The following SLC9C2 variants were observed in gnomAD, a reference collection of about 807,000 sequenced individuals.
SLC9C2 encodes the protein solute carrier family 9 member C2 (putative).
Under a neutral mutation model 140.2 loss-of-function variants are expected in SLC9C2, and 75 were observed. The ratio of observed to expected loss-of-function variants is 0.53; its 90% confidence interval spans 0.44 to 0.65. SLC9C2 has a LOEUF of 0.65. SLC9C2 is among the 30% of genes least tolerant of loss of function. The pLI is 0.00. For synonymous variants in SLC9C2, 375 were observed against 420.9 expected (o/e 0.89, Z 1.34); for missense variants, 1,074 against 1,331.8 (o/e 0.81, Z 3.01).
chr1:173,530,110 C>T (rs1167162001), intron 17 of SLC9C2, 56 bp from the exon 18 acceptor site: 1 of 1,477,378 alleles, frequency 6.8e-7, no homozygotes, highest in Non-Finnish European at 9.1e-7. Context: ...GAAAAGCACC[C>T]TCTGAGGCAG....
intron 23 of SLC9C2, among the ~76,000 whole-genome samples, chr1:173,512,702 G>A (rs1386950561): frequency 1.3e-5 from 2 of 152,158 alleles, no homozygotes; most frequent in Non-Finnish European, 2.9e-5. Flanking sequence ...AATAGAAGTG[G>A]TGAGAGAGGG....
At position 173,599,362 on chromosome 1, in the gene SLC9C2, A is replaced by ATTTTTTTTTTTTTTT. The variant is rs61579339; in HGVS notation, c.228+740_228+754dup. Among the ~76,000 whole-genome samples, 77 of 68,112 alleles carry ATTTTTTTTTTTTTTT rather than the reference A, an allele frequency of 1.1e-3. 16 individuals are homozygous for ATTTTTTTTTTTTTTT. The highest frequency in any genetic ancestry group is 3.3e-3 in the African/African-American group (70 of 21,130). The allele number at this position is 68,112 out of a possible 152,430, so 44.7% of individuals were successfully genotyped here. On this transcript the variant is annotated intron_variant, in intron 3 of 27. Transcript: ENST00000367714. ...CAAGAGCGCAAACACATTTTCCTTG[A>ATTTTTTTTTTTTTTT]TTTTTTTTTTTTTTTTTTTTTTTTT...
chr1:173,547,781 A>G lies in SLC9C2; in HGVS notation c.1465T>C (p.Ser489Pro). 1.9e-6 allele frequency: 3 copies of G among 1,606,160 alleles called. No individual in the cohort carries two copies. The highest frequency in any genetic ancestry group is 2.6e-6 in the Non-Finnish European group (3 of 1,173,892). Residue 489 changes from serine (S) to proline (P), a missense_variant, in exon 13 of 28, where the codon TCC becomes CCC. Coordinates refer to ENST00000367714, the MANE Select transcript of SLC9C2 (RefSeq NM_178527.4). Reference protein sequence around the residue: ...DKTRIEYIPFSHVSHNDMKTE... With the variant: ...DKTRIEYIPFPHVSHNDMKTE... The stretch of plus-strand genomic sequence containing the variant: ...TTCATATCATTATGTGAAACGTGGG[A>G]AAACTGAACCGTATCAGATGACATT...
Position 173,554,722 on chromosome 1 carries a change from A to C in SLC9C2, c.1297+11T>G. ...TCCCCAGCTAATTCATGAATGAGAC[A>C]CATACTTTACCTAACTTCCTGGCTG... On this transcript the variant is annotated intron_variant, in intron 11 of 27. Transcript: ENST00000367714. 6.4e-7 allele frequency: 1 copy of C among 1,563,348 alleles called. No individual in the cohort carries two copies. Among genetic ancestry groups the C allele is most frequent in the South Asian group, 1.1e-5 (1 of 89,744 alleles).
At chr1:173,571,115 T>C (rs947445620) in intron 9 of SLC9C2, among the ~76,000 whole-genome samples, 8 of 152,158 alleles carry the variant, frequency 5.3e-5, no homozygotes, top group African/African-American at 1.9e-4. Flanking sequence ...GAGCCTTCTA[T>C]TCATCAGCCA....
chr1:173,574,348 A>G (rs556265988), intron 8 of SLC9C2, among the ~76,000 whole-genome samples: 44 of 152,248 alleles, frequency 2.9e-4, no homozygotes, highest in African/African-American at 1.0e-3. Flanking sequence ...CATTACCCCA[A>G]TCAAGGAGAC....
chr1:173,561,937 G>A lies in SLC9C2; in HGVS notation c.1047-4429C>T, dbSNP rs115351689. The stretch of plus-strand genomic sequence containing the variant: ...CCTGAACTGACCTGGGAAGTCACTA[G>A]ATTGGAATGAATTTACCTGATTATA... On this transcript the variant is annotated intron_variant, in intron 9 of 27. Transcript: ENST00000367714. Among the ~76,000 whole-genome samples, 1,427 of 151,922 alleles carry A rather than the reference G, an allele frequency of 9.4e-3. 25 individuals are homozygous for A. Among genetic ancestry groups the A allele is most frequent in the African/African-American group, 0.033 (1,369 of 41,370 alleles).
chr1:173,531,570 A>C (rs909453664), intron 17 of SLC9C2, among the ~76,000 whole-genome samples: 1 of 152,132 alleles, frequency 6.6e-6, no homozygotes, highest in African/African-American at 2.4e-5. Flanking sequence ...TATCCTATAA[A>C]ATCTCCAGCA....
At chr1:173,597,480 A>T (rs1373523414) in intron 4 of SLC9C2, among the ~76,000 whole-genome samples, 1 of 149,642 alleles carries the variant, frequency 6.7e-6, no homozygotes, top group African/African-American at 2.6e-5. Context: ...AAGAAATAAA[A>T]CAGTACAACA....
intron 26 of SLC9C2, among the ~76,000 whole-genome samples, 159 bp from the exon 27 acceptor site, chr1:173,503,485 G>A (rs916185897): frequency 1.1e-4 from 17 of 151,996 alleles, no homozygotes; most frequent in Middle Eastern, 3.2e-3. Flanking sequence ...TCAGAGGTTC[G>A]TAGTAGGCTC....
At chr1:173,590,701 T>C (rs955489676) in intron 4 of SLC9C2, among the ~76,000 whole-genome samples, 3 of 152,132 alleles carry the variant, frequency 2.0e-5, no homozygotes, top group Admixed American at 1.3e-4. Context: ...GTATGTTCTA[T>C]CTGATAACAG....
chr1:173,595,800 C>A (rs769716732), intron 4 of SLC9C2, among the ~76,000 whole-genome samples: 8 of 152,222 alleles, frequency 5.3e-5, no homozygotes, highest in African/African-American at 9.6e-5. Context: ...AATTTATAAA[C>A]AGTAAAATCT....
chr1:173,593,220 C>A (rs147598885), intron 4 of SLC9C2, among the ~76,000 whole-genome samples: 1 of 152,212 alleles, frequency 6.6e-6, no homozygotes, highest in East Asian at 1.9e-4. Context: ...ATCAAATCCA[C>A]ACATATCAAT....
chr1:173,536,711 CT>C (rs1266211160), intron 14 of SLC9C2, among the ~76,000 whole-genome samples: 1 of 152,132 alleles, frequency 6.6e-6, no homozygotes, highest in Non-Finnish European at 1.5e-5. Context: ...CCAGACTCCC[CT>C]AATGTCACCA....
chr1:173,510,672 T>C (rs1311970041), intron 23 of SLC9C2, among the ~76,000 whole-genome samples: 3 of 152,218 alleles, frequency 2.0e-5, no homozygotes, highest in African/African-American at 7.2e-5. Context: ...TTCTCATTCC[T>C]TTTTATGGCT....
intron 3 of SLC9C2, among the ~76,000 whole-genome samples, chr1:173,599,220 G>A (rs918235945): frequency 5.9e-5 from 9 of 151,902 alleles, no homozygotes; most frequent in Admixed American, 5.2e-4. Context: ...CCGGGTTCAC[G>A]CCATTCTCCT....
chr1:173,514,681 A>C (rs1184696180), intron 23 of SLC9C2, among the ~76,000 whole-genome samples: 3 of 152,210 alleles, frequency 2.0e-5, no homozygotes, highest in Non-Finnish European at 4.4e-5. Flanking sequence ...TGAGCCTGTC[A>C]TCATGATGCT....
chr1:173,573,368 T>TA, intron 8 of SLC9C2, 43 bp from the exon 9 acceptor site: 1 of 1,323,788 alleles, frequency 7.6e-7, no homozygotes, highest in African/African-American at 1.5e-5. Flanking sequence ...GCAATCATCT[T>TA]AAAAATATAT....
intron 9 of SLC9C2, among the ~76,000 whole-genome samples, chr1:173,565,141 C>T (rs2102144936): frequency 6.6e-6 from 1 of 152,076 alleles, no homozygotes; most frequent in East Asian, 1.9e-4. Context: ...GGGTGGTTTC[C>T]TCCCATTCTG....
Sources: allele counts gnomAD v4.1 joint callset (sites outside exome capture counted in the v4.1 genomes callset), GRCh38; gene constraint gnomAD v4.1.1; transcripts MANE v1.5; gene names NCBI Gene and HGNC (gene_info 2026-07-23, HGNC 2026-07-21).